The following RADIL variants were observed in gnomAD, a reference collection of about 807,000 sequenced individuals.
RADIL encodes Rap associating with DIL domain.
RADIL carries 99 observed loss-of-function variants against 97.6 expected under a neutral mutation model. The observed-to-expected ratio is 1.01, with a 90% CI of 0.86 to 1.20. RADIL has a LOEUF of 1.20. RADIL is among the 50% of genes most tolerant of loss of function. The probability of loss-of-function intolerance (pLI) is 0.00; values close to 1 mark genes in which losing one functional copy is unlikely to be tolerated. For missense variants in RADIL, 1,765 were observed against 1,498.9 expected, an observed-to-expected ratio of 1.18 and a Z score of -2.93; for synonymous variants, 803 against 691.8, an observed-to-expected ratio of 1.16 and a Z score of -2.52.
At chr7:4,843,915 A>C in intron 2 of RADIL, among the ~76,000 whole-genome samples, 1 of 49,542 alleles carries the variant, frequency 2.0e-5, no homozygotes. Flanking sequence ...CCATTTCAAA[A>C]AAAAAAAAAA....
At chr7:4,881,569 A>C (rs1784488037) in intron 1 of RADIL, among the ~76,000 whole-genome samples, 1 of 151,648 alleles carries the variant, frequency 6.6e-6, no homozygotes, top group Non-Finnish European at 1.5e-5. Flanking sequence ...TCCACTAAAA[A>C]TACAAAAATT....
rs899637891 is a variant in RADIL at position 4,842,489 on chromosome 7, T to C, written c.536-5884A>G. Among the ~76,000 whole-genome samples, 5 of 152,094 alleles carry C rather than the reference T, an allele frequency of 3.3e-5. No individual in the cohort carries two copies. The highest frequency in any genetic ancestry group is 1.3e-4 in the Admixed American group (2 of 15,266). ...GAGAAGGCAGTGCCTAGTGACCCGC[T>C]GCTGGCAGAGAGGGCAGGGCTCTGC... On this transcript the variant is annotated intron_variant, in intron 2 of 14. Coordinates refer to ENST00000399583, the MANE Select transcript of RADIL (RefSeq NM_018059.5). The surrounding 1 kb of genome is among the most constrained non-coding windows in gnomAD (Gnocchi z 4.5).
Position 4,878,906 on chromosome 7 carries a change from G to C in RADIL, c.-64-703C>G, listed in dbSNP as rs1784427348. Among the ~76,000 whole-genome samples, 1 of 152,260 alleles carries C rather than the reference G, an allele frequency of 6.6e-6. No homozygotes were observed. The highest frequency in any genetic ancestry group is 2.4e-5 in the African/African-American group (1 of 41,470). Reference sequence around the variant, plus strand: ...CCTCGTGTCTCCTACCCCACAGGCTGCGACGTGGGAAATGGGTCACAAACA... The same window carrying C: ...CCTCGTGTCTCCTACCCCACAGGCTCCGACGTGGGAAATGGGTCACAAACA... On this transcript the variant is annotated intron_variant, in intron 1 of 14. Transcript: ENST00000399583. The surrounding 1 kb of genome is among the most constrained non-coding windows in gnomAD (Gnocchi z 4.1).
intron 11 of RADIL, among the ~76,000 whole-genome samples, chr7:4,802,815 A>AGGG (rs1782151276): frequency 2.2e-5 from 1 of 46,248 alleles, no homozygotes; most frequent in Non-Finnish European, 3.9e-5. Context: ...TGCTGGCTGG[A>AGGG]CCCCCTCCCC....
At position 4,799,661 on chromosome 7, in the gene RADIL, C is replaced by T; in HGVS notation, c.3091G>A (p.Gly1031Ser). Residue 1031 changes from glycine (G) to serine (S), a missense_variant, in exon 14 of 15, where the codon GGC (glycine) becomes AGC (serine). Coordinates refer to ENST00000399583, the MANE Select transcript of RADIL (RefSeq NM_018059.5). Reference protein sequence around the residue: ...SLGDRILEVNGSSLLGLGYLR... With the variant: ...SLGDRILEVNSSSLLGLGYLR... ...TAGCCAAGGCCCAGGAGGCTGCTGC[C>T]ATTCACCTCCAGGATACGGTCCCCC... 6.3e-7 allele frequency: 1 copy of T among 1,598,768 alleles called. No individual in the cohort carries two copies. The highest frequency in any genetic ancestry group is 8.5e-7 in the Non-Finnish European group (1 of 1,173,734).
At chr7:4,855,655 C>T (rs918587828) in intron 2 of RADIL, among the ~76,000 whole-genome samples, 4 of 147,460 alleles carry the variant, frequency 2.7e-5, no homozygotes, top group Non-Finnish European at 5.9e-5. Context: ...AAAGAAATGC[C>T]TCTCTGGTCT....
In RADIL at chr7:4,801,633, G is replaced by A. The variant is rs1485266112; in HGVS notation, c.2842+20C>T. ...CGGGGTCTGGGGTGGGTTCCCGCCT[G>A]AGCACCAGGCAGGGCTCACCTTCCG... On this transcript the variant is annotated intron_variant, in intron 12 of 14. Transcript: ENST00000399583. 1.3e-6 allele frequency: 2 copies of A among 1,576,454 alleles called. No homozygotes were observed. Among genetic ancestry groups the A allele is most frequent in the South Asian group, 2.3e-5 (2 of 86,820 alleles).
intron 5 of RADIL, among the ~76,000 whole-genome samples, chr7:4,830,824 C>T (rs1330028513): frequency 6.6e-6 from 1 of 152,108 alleles, no homozygotes; most frequent in Non-Finnish European, 1.5e-5. Flanking sequence ...ACCATCCTGG[C>T]TAACACGGTG....
At position 4,824,316 on chromosome 7, in the gene RADIL, G is replaced by A. The variant is rs895364425; in HGVS notation, c.1455-1762C>T. ...GGCAGAGCCAGGCTCAAGGCTGGAC[G>A]GCCGTCAGAGTGACCATCGCGTGCT... On this transcript the variant is annotated intron_variant, in intron 5 of 14. Transcript: ENST00000399583. The surrounding 1 kb of genome is among the most constrained non-coding windows in gnomAD (Gnocchi z 6.7). Among the ~76,000 whole-genome samples the A allele has an allele frequency of 2.0e-5, 3 of 152,340 alleles. No homozygotes were observed. In the South Asian group the frequency reaches 6.2e-4, roughly 32 times the overall value.
chr7:4,810,474 C>A (rs768406823), intron 9 of RADIL, among the ~76,000 whole-genome samples: 5 of 152,194 alleles, frequency 3.3e-5, no homozygotes, highest in Admixed American at 2.0e-4. Context: ...CTCCCAGGAA[C>A]GAGTTTGCTC....
intron 2 of RADIL, among the ~76,000 whole-genome samples, chr7:4,855,351 G>A (rs1392788919): frequency 1.3e-5 from 2 of 151,964 alleles, no homozygotes; most frequent in Admixed American, 6.6e-5. Flanking sequence ...TTCTGGACAC[G>A]GCTGTGGTCC....
At chr7:4,845,588 C>A (rs1159558208) in intron 2 of RADIL, among the ~76,000 whole-genome samples, 4 of 152,178 alleles carry the variant, frequency 2.6e-5, no homozygotes, top group Non-Finnish European at 5.9e-5. Context: ...CAGGTGATTT[C>A]TCCTCCTTTC....
At chr7:4,871,053 A>C (rs1249763626) in intron 2 of RADIL, among the ~76,000 whole-genome samples, 1 of 152,242 alleles carries the variant, frequency 6.6e-6, no homozygotes, top group Non-Finnish European at 1.5e-5. Context: ...ATGCTCAAAC[A>C]CGTCTTTAAA....
chr7:4,859,409 G>A (rs1783916417), intron 2 of RADIL: 1 of 155,980 alleles, frequency 6.4e-6, no homozygotes, highest in Non-Finnish European at 1.4e-5. Flanking sequence ...ATAGCTGAAA[G>A]GTTTTTTCAT....
At position 4,805,583 on chromosome 7, in the gene RADIL, G is replaced by T. The variant is rs758436628; in HGVS notation, c.2273C>A (p.Pro758His). Residue 758 changes from proline to histidine, a missense_variant, in exon 10 of 15, where the codon CCC (proline) becomes CAC (histidine). Physicochemically the swap from Pro to His is moderately conservative, Grantham distance 77. Coordinates refer to ENST00000399583, the MANE Select transcript of RADIL (RefSeq NM_018059.5). ...STWEPGAQDSPEAFRSEDVLE... is the reference protein window; with the variant it reads ...STWEPGAQDSHEAFRSEDVLE... The stretch of plus-strand genomic sequence containing the variant: ...GGGCTTACCTGACCTGAAGGCCTCG[G>T]GGCTGTCCTGGGCCCCTGGCTCCCA... 1 of 1,608,972 alleles carries T rather than the reference G, an allele frequency of 6.2e-7. No individual in the cohort carries two copies. The highest frequency in any genetic ancestry group is 2.2e-5 in the East Asian group (1 of 44,816).
Position 4,822,682 on chromosome 7 carries a change from C to G in RADIL, c.1455-128G>C. ...ACAACAACTGCAACCATCAACCTGA[C>G]ACTGCTGGGCGGGGACGTTTAACAA... On this transcript the variant is annotated intron_variant, in intron 5 of 14. Transcript: ENST00000399583. This position sits in a 1 kb window ranked among gnomAD's most constrained non-coding sequence, Gnocchi z 5.3. 6 of 1,095,906 alleles carry G rather than the reference C, an allele frequency of 5.5e-6. No homozygotes were observed. Among genetic ancestry groups the G allele is most frequent in the Non-Finnish European group, 7.7e-6 (6 of 776,080 alleles). 67.9% of individuals were successfully genotyped at this position (1,095,906 alleles called of 1,614,324 possible).
Position 4,805,548 on chromosome 7 carries a change from CCCTGGGGCAGGGCTTACCTGA to C in RADIL, c.2287_2290+17del, listed in dbSNP as rs762435936. 6.4e-7 allele frequency: 1 copy of C among 1,569,576 alleles called. No individual in the cohort carries two copies. The highest frequency in any genetic ancestry group is 1.1e-5 in the South Asian group (1 of 87,962). ...CCACTGAGTCCCCAGCCCTCTCCTG[CCCTGGGGCAGGGCTTACCTGA>C]CCTGAAGGCCTCGGGGCTGTCCTGG... On this transcript the variant is annotated splice_donor_variant and splice_donor_5th_base_variant and coding_sequence_variant and intron_variant, in exon 10 of 15. Coordinates refer to ENST00000399583, the MANE Select transcript of RADIL (RefSeq NM_018059.5). LOFTEE classifies it high-confidence loss of function.
rs2115190585 is a variant in RADIL at position 4,817,949 on chromosome 7, TC to T, written c.1616-599del. Among the ~76,000 whole-genome samples, 1 of 152,210 alleles carries T rather than the reference TC, an allele frequency of 6.6e-6. No homozygotes were observed. Among genetic ancestry groups the T allele is most frequent in the African/African-American group, 2.4e-5 (1 of 41,536 alleles). The stretch of plus-strand genomic sequence containing the variant: ...GGAGGCCCCCAACAGGGTGGAGCCT[TC>T]CCCGGGGGCTTCCAGAAAGTGAGGG... On this transcript the variant is annotated intron_variant, in intron 6 of 14. Transcript: ENST00000399583. This position sits in a 1 kb window ranked among gnomAD's most constrained non-coding sequence, Gnocchi z 8.3.
At chr7:4,799,571 C>A in intron 14 of RADIL, 59 bp downstream of exon 14, 1 of 1,609,774 alleles carries the variant, frequency 6.2e-7, no homozygotes, top group Non-Finnish European at 8.5e-7. Flanking sequence ...TACCCCAGGT[C>A]CACTCCCCTG....
Sources: gnomAD v4.1 joint callset for allele counts (sites outside exome capture counted in the v4.1 genomes callset) on GRCh38, gnomAD v4.1.1 for gene constraint, Gnocchi (gnomAD v3.1) non-coding constraint, MANE v1.5 for transcripts, NCBI Gene and HGNC (gene_info 2026-07-23, HGNC 2026-07-21) for gene names.